Variants in ASPRV1 observed in about 807,000 individuals in gnomAD.
ASPRV1 encodes the protein aspartic peptidase retroviral like 1.
Under a neutral mutation model 11.0 loss-of-function variants are expected in ASPRV1, and 7 were observed. The observed-to-expected ratio is 0.64, with a 90% CI of 0.36 to 1.20. The LOEUF (loss-of-function observed/expected upper bound fraction) is 1.20. Among genes scored for constraint, ASPRV1 ranks in the 50% most tolerant of loss-of-function variants. The pLI is 0.02. For missense variants in ASPRV1, 299 were observed against 320.0 expected (o/e 0.93, Z 0.50); for synonymous variants, 136 against 138.4 (o/e 0.98, Z 0.12).
the ASPRV1 span, among the ~76,000 whole-genome samples, chr2:70,080,053 T>C: frequency 6.6e-6 from 1 of 152,204 alleles, no homozygotes; most frequent in Non-Finnish European, 1.5e-5. Context: ...TGTATTTTTT[T>C]TGTTCTGCAT....
the ASPRV1 span, among the ~76,000 whole-genome samples, chr2:69,969,342 C>G: frequency 6.6e-6 from 1 of 152,208 alleles, no homozygotes; most frequent in Non-Finnish European, 1.5e-5. Context: ...CTGCCGTCAG[C>G]CTTGCCAGGG....
the ASPRV1 span, among the ~76,000 whole-genome samples, chr2:70,066,258 G>C: frequency 4.7e-5 from 7 of 150,490 alleles, no homozygotes; most frequent in Non-Finnish European, 1.0e-4. Context: ...TTTTTTTTGA[G>C]ATGGAGTTTC....
the ASPRV1 span, among the ~76,000 whole-genome samples, chr2:70,081,712 T>C: frequency 1.3e-5 from 2 of 151,826 alleles, no homozygotes; most frequent in East Asian, 3.9e-4. Context: ...GCCTTGCAAG[T>C]AGCTGGGACT....
the ASPRV1 span, among the ~76,000 whole-genome samples, chr2:69,991,728 G>A: frequency 6.6e-6 from 1 of 152,052 alleles, no homozygotes; most frequent in Non-Finnish European, 1.5e-5. Context: ...TGTATTTTTA[G>A]TAGAGAGGGG....
At chr2:70,023,904 A>G in the ASPRV1 span, among the ~76,000 whole-genome samples, 5 of 152,262 alleles carry the variant, frequency 3.3e-5, no homozygotes, top group East Asian at 1.9e-4. Flanking sequence ...AACAATAGAG[A>G]TGACAAAAAA....
chr2:69,982,978 G>C, the ASPRV1 span, among the ~76,000 whole-genome samples: 1 of 152,114 alleles, frequency 6.6e-6, no homozygotes, highest in African/African-American at 2.4e-5. Flanking sequence ...GAGTGCAGTG[G>C]TGTGATCTTG....
the ASPRV1 span, among the ~76,000 whole-genome samples, chr2:70,034,427 C>T: frequency 6.6e-6 from 1 of 151,826 alleles, no homozygotes; most frequent in African/African-American, 2.4e-5. Flanking sequence ...AAAAATTAGC[C>T]AGGCGTGGTG....
the ASPRV1 span, among the ~76,000 whole-genome samples, chr2:69,953,363 T>C: frequency 6.6e-6 from 1 of 152,156 alleles, no homozygotes; most frequent in East Asian, 1.9e-4. Flanking sequence ...TCCAAGCAAG[T>C]GGCGGGACAG....
the ASPRV1 span, among the ~76,000 whole-genome samples, chr2:70,078,996 G>A: frequency 6.6e-6 from 1 of 152,204 alleles, no homozygotes; most frequent in East Asian, 1.9e-4. Context: ...CTGGTGGATT[G>A]GATGAAGAGA....
the ASPRV1 span, among the ~76,000 whole-genome samples, chr2:69,986,635 C>T: frequency 6.6e-6 from 1 of 152,216 alleles, no homozygotes; most frequent in Non-Finnish European, 1.5e-5. Context: ...GCAGTACCAG[C>T]TCCTCTTCAG....
the ASPRV1 span, among the ~76,000 whole-genome samples, chr2:69,967,391 T>C: frequency 1.3e-5 from 2 of 151,980 alleles, no homozygotes; most frequent in Non-Finnish European, 2.9e-5. Context: ...GAAAGGAATA[T>C]TACAGGGGAA....
chr2:70,063,222 T>C, the ASPRV1 span, among the ~76,000 whole-genome samples: 1 of 152,156 alleles, frequency 6.6e-6, no homozygotes, highest in Non-Finnish European at 1.5e-5. Flanking sequence ...CAAGACTCTC[T>C]ACTTGGCACA....
the ASPRV1 span, among the ~76,000 whole-genome samples, chr2:70,036,867 T>G: frequency 6.6e-6 from 1 of 152,098 alleles, no homozygotes; most frequent in Non-Finnish European, 1.5e-5. Context: ...TGGCTGTTGT[T>G]TATGATTACT....
chr2:70,028,798 C>T, the ASPRV1 span, among the ~76,000 whole-genome samples: 60 of 152,174 alleles, frequency 3.9e-4, no homozygotes, highest in Admixed American at 1.3e-3. Context: ...AAAAAATAGC[C>T]AGGCGTGGTG....
the ASPRV1 span, among the ~76,000 whole-genome samples, chr2:69,983,483 G>T: frequency 1.2e-4 from 19 of 152,232 alleles, no homozygotes; most frequent in African/African-American, 4.6e-4. Flanking sequence ...CCAGAAGGCA[G>T]GAGGCCTCAG....
downstream of ASPRV1, among the ~76,000 whole-genome samples, chr2:69,956,768 C>T (rs1190126679): frequency 6.6e-6 from 1 of 152,008 alleles, no homozygotes; most frequent in Non-Finnish European, 1.5e-5. Context: ...GCATTTTGAC[C>T]AAGTGATGAA....
At chr2:70,001,474 G>GTGGC in the ASPRV1 span, among the ~76,000 whole-genome samples, 1 of 151,856 alleles carries the variant, frequency 6.6e-6, no homozygotes, top group South Asian at 2.1e-4. Flanking sequence ...AAATAAGGAT[G>GTGGC]TGGCTGGGGT....
chr2:70,086,173 G>A, the ASPRV1 span: 1 of 152,154 alleles, frequency 6.6e-6, no homozygotes, highest in Non-Finnish European at 1.5e-5. Flanking sequence ...CGCGGAGGTG[G>A]AAGGCCCCGG....
the ASPRV1 span, among the ~76,000 whole-genome samples, chr2:70,032,701 A>C: frequency 6.6e-6 from 1 of 152,172 alleles, no homozygotes; most frequent in Non-Finnish European, 1.5e-5. Flanking sequence ...AGCAGTCTTC[A>C]AGTCCCAAGA....
Sources: allele counts gnomAD v4.1 joint callset (sites outside exome capture counted in the v4.1 genomes callset), GRCh38; gene constraint gnomAD v4.1.1; transcripts MANE v1.5; gene names NCBI Gene and HGNC (gene_info 2026-07-23, HGNC 2026-07-21).